The following FARS2 variants were observed in gnomAD, a reference collection of about 807,000 sequenced individuals.
The protein encoded by FARS2 is phenylalanyl-tRNA synthetase 2, mitochondrial, also known as phenylalanine--tRNA ligase, mitochondrial.
In FARS2, 40 loss-of-function variants were observed where a neutral mutation model predicts 46.4. The observed-to-expected ratio is 0.86, with a 90% CI of 0.67 to 1.12. The LOEUF is 1.12. FARS2 is among the 50% of genes most tolerant of loss of function. The probability of loss-of-function intolerance (pLI) is 0.00; values close to 1 mark genes in which losing one functional copy is unlikely to be tolerated. For missense variants in FARS2, 513 were observed against 567.9 expected (o/e 0.90, Z 0.98); for synonymous variants, 234 against 214.9 (o/e 1.09, Z -0.78).
chr6:5,704,294 C>T (rs1418398320), intron 6 of FARS2, among the ~76,000 whole-genome samples: 1 of 152,156 alleles, frequency 6.6e-6, no homozygotes, highest in African/African-American at 2.4e-5. Flanking sequence ...AGGGAGCTCT[C>T]CAGGGCCCCT....
chr6:5,515,368 G>A (rs1160380705), intron 4 of FARS2, among the ~76,000 whole-genome samples: 1 of 151,964 alleles, frequency 6.6e-6, no homozygotes, highest in African/African-American at 2.4e-5. Context: ...CATTTCATGG[G>A]GATATTGCCA....
rs147754364 is a variant in FARS2 at position 5,369,089 on chromosome 6, G to C, written c.519G>C (p.Val173=). 9.9e-6 allele frequency: 16 copies of C among 1,613,908 alleles called. No individual in the cohort carries two copies. In the East Asian group the frequency reaches 2.7e-4, roughly 27 times the overall value. Residue 173 remains valine, a synonymous_variant, in exon 2 of 7, where the codon GTG becomes GTC. Transcript: ENST00000274680. ...ACGCGGGACTGGATGCCTTCCTGGT[G>C]GTGGGTGATGTCTACAGGCGTGACC... ...LLHAGLDAFL[V]VGDVYRRDQI... is the part of the protein sequence containing the mutation.
intron 4 of FARS2, among the ~76,000 whole-genome samples, chr6:5,533,997 T>A (rs1770025786): frequency 6.6e-6 from 1 of 152,234 alleles, no homozygotes; most frequent in Non-Finnish European, 1.5e-5. Context: ...GTTAACTATT[T>A]CTAAACTGAG....
intron 4 of FARS2, chr6:5,457,055 C>CT (rs1475060673): frequency 2.0e-5 from 3 of 152,336 alleles, no homozygotes; most frequent in Non-Finnish European, 4.4e-5. Context: ...AGTACGAATA[C>CT]TTGCTTGTCC....
chr6:5,502,118 T>G (rs1410617860), intron 4 of FARS2, among the ~76,000 whole-genome samples: 2 of 152,234 alleles, frequency 1.3e-5, no homozygotes, highest in African/African-American at 4.8e-5. Context: ...GGGAGTAGTA[T>G]TTGAGACTGC....
At chr6:5,370,603 CAT>C (rs780258954) in intron 2 of FARS2, among the ~76,000 whole-genome samples, 4 of 152,062 alleles carry the variant, frequency 2.6e-5, no homozygotes, top group African/African-American at 4.8e-5. Context: ...CAGCTTACCT[CAT>C]TAAAGAAATA....
intron 5 of FARS2, among the ~76,000 whole-genome samples, chr6:5,569,569 G>A (rs552896804): frequency 2.5e-4 from 38 of 152,286 alleles, no homozygotes; most frequent in Non-Finnish European, 4.3e-4. Context: ...TGTGGTGGTG[G>A]TAGTGGTCAT....
intron 5 of FARS2, among the ~76,000 whole-genome samples, chr6:5,608,921 A>G (rs1775006019): frequency 6.6e-6 from 1 of 152,164 alleles, no homozygotes; most frequent in African/African-American, 2.4e-5. Flanking sequence ...CAGTATCACA[A>G]TCAGACTATT....
chr6:5,418,300 A>G (rs1282353342), intron 3 of FARS2, among the ~76,000 whole-genome samples: 3 of 152,156 alleles, frequency 2.0e-5, no homozygotes, highest in Admixed American at 2.0e-4. Flanking sequence ...CTTCTGATGC[A>G]TTGGATATTT....
chr6:5,397,352 G>T (rs527912340), intron 2 of FARS2, among the ~76,000 whole-genome samples: 1 of 152,296 alleles, frequency 6.6e-6, no homozygotes, highest in South Asian at 2.1e-4. Context: ...AAAACACTGT[G>T]TGATACTATA....
At chr6:5,429,014 C>G (rs9392685) in intron 3 of FARS2, among the ~76,000 whole-genome samples, 2 of 152,110 alleles carry the variant, frequency 1.3e-5, no homozygotes, top group East Asian at 3.9e-4. Flanking sequence ...TTATAAAATT[C>G]TAGGAAATGC....
intron 3 of FARS2, among the ~76,000 whole-genome samples, chr6:5,426,535 G>A (rs1260575845): frequency 3.3e-5 from 5 of 152,172 alleles, no homozygotes; most frequent in Admixed American, 3.3e-4. Context: ...AGAAGAAAGT[G>A]TATTTTGGGG....
chr6:5,272,383 T>A (rs1424414174), intron 1 of FARS2: 3 of 152,158 alleles, frequency 2.0e-5, no homozygotes, highest in Admixed American at 2.0e-4. Context: ...TTCCAAAAAA[T>A]AATAATAACC....
intron 3 of FARS2, among the ~76,000 whole-genome samples, chr6:5,407,043 T>TTATATATATATATATA (rs201074448): frequency 0.013 from 1,081 of 83,668 alleles, 37 homozygotes; most frequent in East Asian, 0.025. Context: ...AGGTGGCAAA[T>TTATATATATATATATA]TATATATATA....
intron 6 of FARS2, among the ~76,000 whole-genome samples, chr6:5,664,478 A>T (rs1389128408): frequency 1.3e-5 from 2 of 152,194 alleles, no homozygotes; most frequent in East Asian, 3.9e-4. Context: ...TTCACAGGTT[A>T]TATCCAGACC....
intron 4 of FARS2, among the ~76,000 whole-genome samples, chr6:5,449,548 C>T (rs569599277): frequency 6.6e-6 from 1 of 152,192 alleles, no homozygotes; most frequent in East Asian, 1.9e-4. Flanking sequence ...CAAAAGTTCT[C>T]ATGTGGTTCA....
chr6:5,513,315 A>AC (rs1768572413), intron 4 of FARS2, among the ~76,000 whole-genome samples: 1 of 152,188 alleles, frequency 6.6e-6, no homozygotes, highest in East Asian at 1.9e-4. Flanking sequence ...TGTTGTATCC[A>AC]CATTAACTTG....
intron 6 of FARS2, among the ~76,000 whole-genome samples, chr6:5,649,577 ATAT>A (rs1777243871): frequency 1.3e-5 from 2 of 152,234 alleles, no homozygotes; most frequent in African/African-American, 4.8e-5. Flanking sequence ...ACCAGACCAG[ATAT>A]TATACTTAAT....
chr6:5,717,933 T>TGGAGAGAGAGAGAGAGAGAGAGAG (rs1554128878), intron 6 of FARS2, among the ~76,000 whole-genome samples: 21 of 128,236 alleles, frequency 1.6e-4, no homozygotes, highest in Non-Finnish European at 2.3e-4. Flanking sequence ...TATATATATA[T>TGGAGAGAGAGAGAGAGAGAGAGAG]ATACAGAGTC....
Sources: gnomAD v4.1 joint callset for allele counts (sites outside exome capture counted in the v4.1 genomes callset) on GRCh38, gnomAD v4.1.1 for gene constraint, MANE v1.5 for transcripts, NCBI Gene and HGNC (gene_info 2026-07-23, HGNC 2026-07-21) for gene names.